CHRM5: variants seen among roughly 807,000 people sequenced by gnomAD.
CHRM5 encodes the protein muscarinic acetylcholine receptor M5.
A neutral mutation model predicts 39.0 loss-of-function variants in CHRM5; 18 were observed. That is an observed-to-expected ratio of 0.46 (90% CI 0.32 to 0.68). CHRM5 has a LOEUF of 0.68. Among genes scored for constraint, CHRM5 ranks in the 30% least tolerant of loss-of-function variants. The probability of loss-of-function intolerance (pLI) is 0.04; values close to 1 mark genes in which losing one functional copy is unlikely to be tolerated. For missense variants in CHRM5, 515 were observed against 651.1 expected, an observed-to-expected ratio of 0.79 and a Z score of 2.28; for synonymous variants, 241 against 246.3, an observed-to-expected ratio of 0.98 and a Z score of 0.20.
intron 1 of CHRM5, among the ~76,000 whole-genome samples, chr15:33,980,320 C>T (rs1292119649): frequency 6.6e-6 from 1 of 152,194 alleles, no homozygotes; most frequent in Non-Finnish European, 1.5e-5. Context: ...CAAGAATCAT[C>T]GCACTGGTAA....
At chr15:34,056,554 TG>T (rs1235361497) in intron 2 of CHRM5, among the ~76,000 whole-genome samples, 3 of 152,196 alleles carry the variant, frequency 2.0e-5, no homozygotes, top group Non-Finnish European at 1.5e-5. Flanking sequence ...ACATACTACA[TG>T]GTATTTTCTC....
rs112381581 is a variant in CHRM5, at chr15:34,038,293, G to T, written c.-407-8247G>T. 8.2e-3 allele frequency among the ~76,000 whole-genome samples: 1,253 copies of T among 152,208 alleles called. 7 individuals carry two copies. Among genetic ancestry groups the T allele is most frequent in the Non-Finnish European group, 0.01 (688 of 68,014 alleles). On this transcript the variant is annotated intron_variant, in intron 1 of 2. Coordinates refer to ENST00000383263, the MANE Select transcript of CHRM5 (RefSeq NM_012125.4). The stretch of plus-strand genomic sequence containing the variant: ...TCACTCAACAAACTTTTTATTATGC[G>T]CCTACTGTGTACTAGGCATTGCACA...
At chr15:34,026,758 C>A (rs1460945381) in intron 1 of CHRM5, among the ~76,000 whole-genome samples, 2 of 152,044 alleles carry the variant, frequency 1.3e-5, no homozygotes, top group African/African-American at 2.4e-5. Flanking sequence ...GTGATCAATT[C>A]CAAATTGACA....
intron 1 of CHRM5, among the ~76,000 whole-genome samples, chr15:34,023,413 A>ATC (rs1301739506): frequency 6.6e-6 from 1 of 152,058 alleles, no homozygotes; most frequent in African/African-American, 2.4e-5. Context: ...TTGCGGCAGC[A>ATC]TCTCTCTTGG....
intron 1 of CHRM5, among the ~76,000 whole-genome samples, chr15:34,002,379 A>G (rs573902143): frequency 2.8e-4 from 43 of 151,868 alleles, no homozygotes; most frequent in South Asian, 8.3e-4. Context: ...TTATTCTTTA[A>G]ACTCTTACGC....
chr15:34,000,743 CA>C, intron 1 of CHRM5, among the ~76,000 whole-genome samples: 1 of 152,260 alleles, frequency 6.6e-6, no homozygotes, highest in Non-Finnish European at 1.5e-5. Context: ...AAGCTCTTCT[CA>C]GTCTTATGCT....
intron 1 of CHRM5, chr15:34,003,263 T>G: frequency 6.4e-7 from 1 of 1,552,076 alleles, no homozygotes; most frequent in Non-Finnish European, 8.8e-7. Flanking sequence ...CTGACCTTAG[T>G]AGACTTCCCA....
chr15:33,980,973 G>C (rs1250437532), intron 1 of CHRM5, among the ~76,000 whole-genome samples: 2 of 152,150 alleles, frequency 1.3e-5, no homozygotes, highest in African/African-American at 4.8e-5. Context: ...CACTCTGCAA[G>C]TAAAAACTTT....
At chr15:33,992,543 A>G (rs1896774225) in intron 1 of CHRM5, among the ~76,000 whole-genome samples, 1 of 152,204 alleles carries the variant, frequency 6.6e-6, no homozygotes, top group South Asian at 2.1e-4. Context: ...CAAATTTTTT[A>G]ATTTATAGTT....
At chr15:34,009,034 A>C (rs147657509) in intron 1 of CHRM5, among the ~76,000 whole-genome samples, 2 of 152,246 alleles carry the variant, frequency 1.3e-5, no homozygotes, top group African/African-American at 4.8e-5. Flanking sequence ...ATCACAAGGC[A>C]ACCCAAAGAA....
chr15:34,053,319 A>AAAAAAAAAATATATATATATAT, intron 2 of CHRM5, among the ~76,000 whole-genome samples: 1 of 42,102 alleles, frequency 2.4e-5, no homozygotes, highest in African/African-American at 8.0e-5. Flanking sequence ...AAAAAAAAAA[A>AAAAAAAAAATATATATATATAT]ATATATATAT....
intron 1 of CHRM5, among the ~76,000 whole-genome samples, chr15:34,006,332 G>A (rs1016285238): frequency 6.0e-5 from 9 of 150,688 alleles, no homozygotes; most frequent in African/African-American, 2.2e-4. Flanking sequence ...AAACAGCCTT[G>A]TAACTGATGA....
chr15:34,061,988 C>T (rs187317421), intron 2 of CHRM5, among the ~76,000 whole-genome samples: 1 of 152,162 alleles, frequency 6.6e-6, no homozygotes, highest in African/African-American at 2.4e-5. Context: ...CCCTTATGAT[C>T]ATTGCAATCT....
chr15:33,979,390 TC>T (rs1220574252), intron 1 of CHRM5, among the ~76,000 whole-genome samples: 2 of 152,062 alleles, frequency 1.3e-5, no homozygotes, highest in African/African-American at 4.8e-5. Flanking sequence ...GTGGCTGTAA[TC>T]CCAGCTACTC....
At chr15:34,009,024 A>G (rs1897513493) in intron 1 of CHRM5, among the ~76,000 whole-genome samples, 2 of 152,078 alleles carry the variant, frequency 1.3e-5, no homozygotes. Flanking sequence ...AAACCAACTC[A>G]TCACAAGGCA....
intron 1 of CHRM5, among the ~76,000 whole-genome samples, chr15:33,999,790 C>A (rs536345): frequency 6.6e-5 from 10 of 152,006 alleles, no homozygotes; most frequent in South Asian, 6.2e-4. Flanking sequence ...ACTAGTCTAC[C>A]CGCTCCCCTC....
chr15:33,987,568 C>T (rs920541540), intron 1 of CHRM5, among the ~76,000 whole-genome samples: 1 of 152,188 alleles, frequency 6.6e-6, no homozygotes, highest in Non-Finnish European at 1.5e-5. Flanking sequence ...CTCAGGCCAG[C>T]GAACAATGGT....
intron 1 of CHRM5, among the ~76,000 whole-genome samples, chr15:33,973,643 AC>A (rs1285898571): frequency 6.6e-6 from 1 of 152,190 alleles, no homozygotes. Flanking sequence ...GGAGTTCGAG[AC>A]CCACCTAGGC....
intron 1 of CHRM5, among the ~76,000 whole-genome samples, chr15:33,984,367 C>CA (rs1333761729): frequency 2.4e-4 from 37 of 151,428 alleles, no homozygotes; most frequent in Non-Finnish European, 1.2e-4. Flanking sequence ...TCTGCAAACT[C>CA]AGTCACTTTC....
Sources: allele counts gnomAD v4.1 joint callset (sites outside exome capture counted in the v4.1 genomes callset), GRCh38; gene constraint gnomAD v4.1.1; transcripts MANE v1.5; gene names NCBI Gene and HGNC (gene_info 2026-07-23, HGNC 2026-07-21).